Variants in COL5A1 observed in about 807,000 individuals in gnomAD.
The protein encoded by COL5A1 is collagen type V alpha 1 chain.
COL5A1 carries 16 observed loss-of-function variants against 263.7 expected under a neutral mutation model. The observed-to-expected ratio is 0.06, with a 90% CI of 0.04 to 0.09. COL5A1 has a LOEUF of 0.09. COL5A1 is among the 10% of genes least tolerant of loss of function. The pLI, the probability that COL5A1 is intolerant of heterozygous loss-of-function variation, is 1.00. For missense variants in COL5A1, 2,036 were observed against 2,540.5 expected, an observed-to-expected ratio of 0.80 and a Z score of 4.27; for synonymous variants, 1,012 against 1,004.5, an observed-to-expected ratio of 1.01 and a Z score of -0.14.
intron 27 of COL5A1, among the ~76,000 whole-genome samples, chr9:134,779,685 G>A (rs1015817133): frequency 2.0e-5 from 3 of 152,220 alleles, no homozygotes; most frequent in African/African-American, 7.2e-5. Flanking sequence ...AGGCCATGGA[G>A]GGGGAGCTGG....
chr9:134,703,015 GC>G (rs1206872990), intron 4 of COL5A1, among the ~76,000 whole-genome samples: 1 of 152,246 alleles, frequency 6.6e-6, no homozygotes, highest in Non-Finnish European at 1.5e-5. Context: ...GCAGGACACA[GC>G]CCCGCGGCCC....
At chr9:134,722,912 T>A (rs1224943627) in intron 4 of COL5A1, among the ~76,000 whole-genome samples, 1 of 151,994 alleles carries the variant, frequency 6.6e-6, no homozygotes, top group African/African-American at 2.4e-5. Flanking sequence ...AGGGTTGGTG[T>A]CGGGGAGGGA....
rs1836100838 is a variant in COL5A1, at chr9:134,758,990, A to G, written c.1935+694A>G. ...ATAACAACGTGATAGAAAGCCTACA[A>G]TCTCCTGCCCTGTTGAGGAGGTGTG... is the stretch of plus-strand genomic sequence containing the variant. On this transcript the variant is annotated intron_variant, in intron 18 of 65. Coordinates refer to ENST00000371817, the MANE Select transcript of COL5A1 (RefSeq NM_000093.5). This position sits in a 1 kb window ranked among gnomAD's most constrained non-coding sequence, Gnocchi z 4.1. Among the ~76,000 whole-genome samples the G allele has an allele frequency of 6.6e-6, 1 of 152,116 alleles. No homozygotes were observed. Among genetic ancestry groups the G allele is most frequent in the Non-Finnish European group, 1.5e-5 (1 of 68,002 alleles).
At chr9:134,785,301 G>A (rs540268603) in intron 30 of COL5A1, among the ~76,000 whole-genome samples, 2 of 152,198 alleles carry the variant, frequency 1.3e-5, no homozygotes, top group African/African-American at 4.8e-5. Context: ...TCCCGGGTTC[G>A]CCCTTTCCCA....
At chr9:134,670,914 A>C (rs897037109) in intron 1 of COL5A1, among the ~76,000 whole-genome samples, 1 of 152,104 alleles carries the variant, frequency 6.6e-6, no homozygotes, top group Non-Finnish European at 1.5e-5. Context: ...CACTAAACGC[A>C]TGTGCCTGGG....
chr9:134,760,967 C>G (rs1370657473), intron 18 of COL5A1, among the ~76,000 whole-genome samples: 1 of 149,120 alleles, frequency 6.7e-6, no homozygotes, highest in Non-Finnish European at 1.5e-5. Flanking sequence ...CACACATACA[C>G]ACATGTATAC....
intron 26 of COL5A1, 35 bp downstream of exon 26, chr9:134,772,869 T>C (rs1475445028): frequency 1.2e-6 from 2 of 1,610,118 alleles, no homozygotes; most frequent in African/African-American, 1.3e-5. Flanking sequence ...CCCTTCAGCA[T>C]CCAGGTGGGG....
rs574785372 is a variant in COL5A1 at position 134,696,914 on chromosome 9, CA to C, written c.278-2988del. On this transcript the variant is annotated intron_variant, in intron 2 of 65. Transcript: ENST00000371817. The surrounding 1 kb of genome is among the most constrained non-coding windows in gnomAD (Gnocchi z 4.3). ...TGAAACCCCATCCCTACTAAAAATACAAAAAAATTAGCCAGGCTTGGTGGCG... is the reference window on the plus strand; with the variant it reads ...TGAAACCCCATCCCTACTAAAAATACAAAAAATTAGCCAGGCTTGGTGGCG... Among the ~76,000 whole-genome samples the C allele has an allele frequency of 5.3e-5, 8 of 151,930 alleles. No individual in the cohort carries two copies. In the South Asian group the frequency reaches 1.7e-3, roughly 32 times the overall value.
intron 1 of COL5A1, among the ~76,000 whole-genome samples, chr9:134,663,506 G>A (rs958680892): frequency 6.6e-6 from 1 of 152,136 alleles, no homozygotes; most frequent in Non-Finnish European, 1.5e-5. Context: ...AATGTCACTT[G>A]AGCATTTTCC....
chr9:134,786,089 G>A, intron 31 of COL5A1, 41 bp downstream of exon 31: 1 of 1,557,716 alleles, frequency 6.4e-7, no homozygotes, highest in South Asian at 1.1e-5. Flanking sequence ...ACAGGCGGAG[G>A]GATGTTCTGC....
intron 1 of COL5A1, among the ~76,000 whole-genome samples, chr9:134,666,337 G>A (rs1327564202): frequency 6.6e-6 from 1 of 152,196 alleles, no homozygotes; most frequent in African/African-American, 2.4e-5. Context: ...CTGGCACGGG[G>A]TCCCTGGGCT....
rs750928102 is a variant in COL5A1 at position 134,842,176 on chromosome 9, A to G, written c.5390A>G (p.Lys1797Arg). The stretch of plus-strand genomic sequence containing the variant: ...CCCCAGACCAAGAAAGGCTACCAGA[A>G]GACGGTTCTGGAGATCGACACCCCC... ...DGCATKKGYQKTVLEIDTPKV... is the reference protein window; with the variant it reads ...DGCATKKGYQRTVLEIDTPKV... Residue 1797 changes from lysine (K) to arginine (R), a missense_variant, in exon 66 of 66, where the codon AAG (lysine) becomes AGG (arginine). Physicochemically the swap from Lys to Arg is conservative, Grantham distance 26. Coordinates refer to ENST00000371817, the MANE Select transcript of COL5A1 (RefSeq NM_000093.5). This position sits in a 1 kb window ranked among gnomAD's most constrained non-coding sequence, Gnocchi z 5.8. 2 of 1,614,046 alleles carry G rather than the reference A, an allele frequency of 1.2e-6. No individual in the cohort carries two copies. Among genetic ancestry groups the G allele is most frequent in the Non-Finnish European group, 1.7e-6 (2 of 1,180,002 alleles).
rs1236575682 is a variant in COL5A1, at chr9:134,678,665, C to T, written c.110-12247C>T. ...GAGCGACAGAGACCCCCATTTCCTTCCCTGTGGCTGGGCAGCTGGACCACC... is the reference window on the plus strand; with the variant it reads ...GAGCGACAGAGACCCCCATTTCCTTTCCTGTGGCTGGGCAGCTGGACCACC... On this transcript the variant is annotated intron_variant, in intron 1 of 65. Transcript: ENST00000371817. This position sits in a 1 kb window ranked among gnomAD's most constrained non-coding sequence, Gnocchi z 5.5. 6.6e-6 allele frequency among the ~76,000 whole-genome samples: 1 copy of T among 152,228 alleles called. No homozygotes were observed. The highest frequency in any genetic ancestry group is 1.5e-5 in the Non-Finnish European group (1 of 68,032).
Position 134,680,104 on chromosome 9 carries a change from G to A in COL5A1, c.110-10808G>A, listed in dbSNP as rs1020857864. On this transcript the variant is annotated intron_variant, in intron 1 of 65. Transcript: ENST00000371817. The surrounding 1 kb of genome is among the most constrained non-coding windows in gnomAD (Gnocchi z 5.9). Reference sequence around the variant, plus strand: ...GAGAGCAGTGACACTGTCATCTTCAGGAAGGACTACCCCGGAGGCCCTTTG... The same window carrying A: ...GAGAGCAGTGACACTGTCATCTTCAAGAAGGACTACCCCGGAGGCCCTTTG... Among the ~76,000 whole-genome samples the A allele has an allele frequency of 7.2e-5, 11 of 152,120 alleles. No individual in the cohort carries two copies. Among genetic ancestry groups the A allele is most frequent in the Admixed American group, 2.6e-4 (4 of 15,274 alleles).
intron 39 of COL5A1, among the ~76,000 whole-genome samples, chr9:134,803,785 G>C (rs1271165671): frequency 6.6e-6 from 1 of 152,076 alleles, no homozygotes; most frequent in Non-Finnish European, 1.5e-5. Context: ...GGAGCTTGCA[G>C]TGAGCCGAGA....
rs1418421771 is a variant in COL5A1 at position 134,817,057 on chromosome 9, C to T, written c.4154C>T (p.Pro1385Leu). ...CCCGGCCCTACTGGTGAACCAGGTC[C>T]ATCGGGGCCTCCAGGAAAAAGGGTA... ...GSPGPTGEPG[P>L]SGPPGKRGPP... Residue 1385 changes from proline (P) to leucine (L), a missense_variant, in exon 53 of 66, where the codon CCA becomes CTA. Around this residue, in one of 3 missense-constraint regions of COL5A1, gnomAD observed 1,078 missense variants for 1,521.4 expected, o/e 0.71. Coordinates refer to ENST00000371817, the MANE Select transcript of COL5A1 (RefSeq NM_000093.5). 2 of 1,613,860 alleles carry T rather than the reference C, an allele frequency of 1.2e-6. No individual in the cohort carries two copies. The highest frequency in any genetic ancestry group is 1.3e-5 in the African/African-American group (1 of 75,042).
intron 38 of COL5A1, among the ~76,000 whole-genome samples, 179 bp from the exon 39 acceptor site, chr9:134,802,709 A>C (rs541690245): frequency 2.6e-4 from 40 of 152,300 alleles, no homozygotes; most frequent in Non-Finnish European, 5.3e-4. Context: ...CAGCGTACCA[A>C]CACCCACCCT....
At chr9:134,780,606 G>A (rs193198278) in intron 28 of COL5A1, among the ~76,000 whole-genome samples, 2 of 152,368 alleles carry the variant, frequency 1.3e-5, no homozygotes, top group African/African-American at 4.8e-5. Context: ...GCCAGGCAGG[G>A]AGGGAGAGAG....
At chr9:134,828,700 A>G (rs1839421969) in intron 63 of COL5A1, among the ~76,000 whole-genome samples, 1 of 150,560 alleles carries the variant, frequency 6.6e-6, no homozygotes, top group Non-Finnish European at 1.5e-5. Flanking sequence ...CATACCACAT[A>G]CCACACATAG....
Sources: gnomAD v4.1 joint callset for allele counts (sites outside exome capture counted in the v4.1 genomes callset) on GRCh38, gnomAD v4.1.1 for gene constraint, gnomAD v4.1.1 regional missense constraint, Gnocchi (gnomAD v3.1) non-coding constraint, MANE v1.5 for transcripts, NCBI Gene and HGNC (gene_info 2026-07-23, HGNC 2026-07-21) for gene names.